ITPR1: variants seen among roughly 807,000 people sequenced by gnomAD.
The protein encoded by ITPR1 is inositol 1,4,5-trisphosphate-gated calcium channel ITPR1.
A neutral mutation model predicts 318.4 loss-of-function variants in ITPR1; 96 were observed. The ratio of observed to expected loss-of-function variants is 0.30; its 90% CI spans 0.26 to 0.36. ITPR1 has a LOEUF of 0.36. Ranked by LOEUF, ITPR1 falls within the 10% of genes least tolerant of loss-of-function variation. The pLI, the probability that ITPR1 is intolerant of heterozygous loss-of-function variation, is 1.00. For synonymous variants in ITPR1, 1,312 were observed against 1,289.9 expected, an observed-to-expected ratio of 1.02 and a Z score of -0.37; for missense variants, 2,440 against 3,460.2, an observed-to-expected ratio of 0.71 and a Z score of 7.40.
intron 55 of ITPR1, among the ~76,000 whole-genome samples, chr3:4,809,274 C>T (rs1012007501): frequency 3.3e-5 from 5 of 152,246 alleles, no homozygotes; most frequent in Admixed American, 6.5e-5. Context: ...AATAACTAGA[C>T]GAGCACGTAT....
At chr3:4,572,231 G>A (rs1303954151) in intron 4 of ITPR1, among the ~76,000 whole-genome samples, 3 of 152,060 alleles carry the variant, frequency 2.0e-5, no homozygotes, top group African/African-American at 7.2e-5. Flanking sequence ...TACTCCACAT[G>A]TCCATTTGGA....
chr3:4,687,451 A>G (rs1005002945), intron 30 of ITPR1, among the ~76,000 whole-genome samples: 4 of 152,162 alleles, frequency 2.6e-5, no homozygotes, highest in Non-Finnish European at 5.9e-5. Context: ...GCTCCAGGTC[A>G]CACAGCCAGG....
intron 52 of ITPR1, among the ~76,000 whole-genome samples, chr3:4,791,104 TCAAA>T (rs1281906823): frequency 6.6e-6 from 1 of 152,208 alleles, no homozygotes; most frequent in Non-Finnish European, 1.5e-5. Context: ...CCCGTTCCTC[TCAAA>T]CAAACACAAA....
intron 55 of ITPR1, among the ~76,000 whole-genome samples, chr3:4,810,379 G>A (rs2048856788): frequency 6.6e-6 from 1 of 152,174 alleles, no homozygotes; most frequent in South Asian, 2.1e-4. Context: ...TGGAAAACTA[G>A]CCATCATCCT....
chr3:4,730,019 T>C (rs2042791650), intron 42 of ITPR1, among the ~76,000 whole-genome samples: 1 of 151,986 alleles, frequency 6.6e-6, no homozygotes, highest in Non-Finnish European at 1.5e-5. Context: ...ATCAGGATGA[T>C]TAGGAAAGCT....
intron 16 of ITPR1, among the ~76,000 whole-genome samples, chr3:4,663,729 T>C (rs1238206304): frequency 6.6e-6 from 1 of 152,238 alleles, no homozygotes; most frequent in Non-Finnish European, 1.5e-5. Flanking sequence ...TTGATAAATG[T>C]ATGATGCCAT....
intron 49 of ITPR1, chr3:4,782,412 C>G (rs1032114201): frequency 1.5e-5 from 6 of 412,304 alleles, no homozygotes; most frequent in Non-Finnish European, 2.2e-5. Flanking sequence ...GAATGAGTTT[C>G]ATTTCTCACG....
At chr3:4,775,512 TC>T in intron 47 of ITPR1, 70 bp downstream of exon 47, 1 of 1,215,486 alleles carries the variant, frequency 8.2e-7, no homozygotes, top group East Asian at 2.3e-5. Context: ...AGAGACTAGT[TC>T]AGAAATCACG....
At chr3:4,639,304 C>T (rs1027482571) in intron 5 of ITPR1, 80 bp from the exon 6 acceptor site, 14 of 1,066,922 alleles carry the variant, frequency 1.3e-5, no homozygotes, top group African/African-American at 3.2e-5. Flanking sequence ...TATGAACTGG[C>T]GACATTTGTT....
intron 44 of ITPR1, among the ~76,000 whole-genome samples, chr3:4,740,398 G>C (rs1251215208): frequency 6.6e-6 from 1 of 152,182 alleles, no homozygotes; most frequent in Non-Finnish European, 1.5e-5. Flanking sequence ...CTTAGGATAA[G>C]CTCACTGGGA....
chr3:4,498,803 A>G (rs1356622989), intron 2 of ITPR1, among the ~76,000 whole-genome samples: 1 of 152,226 alleles, frequency 6.6e-6, no homozygotes, highest in Non-Finnish European at 1.5e-5. Context: ...GAGTTTCAAC[A>G]CAAACCTATG....
intron 4 of ITPR1, among the ~76,000 whole-genome samples, chr3:4,587,346 T>C (rs2090012267): frequency 6.7e-6 from 1 of 150,282 alleles, no homozygotes; most frequent in Non-Finnish European, 1.5e-5. Flanking sequence ...CAATCTTGGC[T>C]TACTGCAACC....
chr3:4,706,556 T>G (rs1162959191), intron 37 of ITPR1, among the ~76,000 whole-genome samples: 2 of 152,200 alleles, frequency 1.3e-5, no homozygotes, highest in Non-Finnish European at 2.9e-5. Context: ...GTGATGGTCT[T>G]TAAAGGTTAC....
In ITPR1 at chr3:4,691,115, C is replaced by G. The variant is rs746392050; in HGVS notation, c.3829-29C>G. The G allele has an allele frequency of 2.0e-6, 3 of 1,531,710 alleles. No individual in the cohort carries two copies. In the South Asian group the frequency reaches 3.7e-5, roughly 19 times the overall value. The allele number at this position is 1,531,710 out of a possible 1,614,324, so 94.9% of individuals were successfully genotyped here. On this transcript the variant is annotated intron_variant, in intron 31 of 61. Coordinates refer to ENST00000649015, the MANE Select transcript of ITPR1 (RefSeq NM_001378452.1). ...GTTCTGTCAGCTTTTTGACTTGTCC[C>G]TGTGCTCTTTTCCTCACTCTTGTGC...
chr3:4,605,821 C>A (rs889318114), intron 4 of ITPR1, among the ~76,000 whole-genome samples: 1 of 152,146 alleles, frequency 6.6e-6, no homozygotes, highest in African/African-American at 2.4e-5. Context: ...ATTCCACTGG[C>A]CTTTCCTGGT....
At chr3:4,831,019 C>A (rs1226113189) in intron 60 of ITPR1, 1 of 456,244 alleles carries the variant, frequency 2.2e-6, no homozygotes, top group Non-Finnish European at 4.4e-6. Flanking sequence ...TCTTTTGAAC[C>A]TGGGAAGAAA....
intron 4 of ITPR1, among the ~76,000 whole-genome samples, chr3:4,532,451 AC>A (rs2083495909): frequency 6.6e-6 from 1 of 152,034 alleles, no homozygotes; most frequent in East Asian, 1.9e-4. Flanking sequence ...CGCAGCCTTG[AC>A]TTCCCAGGCT....
chr3:4,715,076 AT>A (rs2041667219), intron 39 of ITPR1, among the ~76,000 whole-genome samples: 1 of 152,216 alleles, frequency 6.6e-6, no homozygotes, highest in South Asian at 2.1e-4. Context: ...GTCATTAACT[AT>A]TTTATACGCA....
intron 42 of ITPR1, among the ~76,000 whole-genome samples, chr3:4,729,926 CT>C (rs35734322): frequency 0.34 from 49,571 of 143,914 alleles, 8,480 homozygotes; most frequent in Non-Finnish European, 0.39. Flanking sequence ...TTTTAGAAGT[CT>C]TTTTTTTTTT....
Sources: allele counts gnomAD v4.1 joint callset (sites outside exome capture counted in the v4.1 genomes callset), GRCh38; gene constraint gnomAD v4.1.1; transcripts MANE v1.5; gene names NCBI Gene and HGNC (gene_info 2026-07-23, HGNC 2026-07-21).